The following CHODL variants were observed in gnomAD, a reference collection of about 807,000 sequenced individuals.
CHODL encodes transmembrane protein MT75.
In CHODL, 29 loss-of-function variants were observed where a neutral mutation model predicts 34.5. The ratio of observed to expected loss-of-function variants is 0.84; its 90% CI spans 0.63 to 1.15. The LOEUF (loss-of-function observed/expected upper bound fraction) is 1.15. Among genes scored for constraint, CHODL ranks in the 50% most tolerant of loss-of-function variants. The pLI is 0.00. For missense variants in CHODL, 332 were observed against 332.5 expected (o/e 1.00, Z 0.01); for synonymous variants, 125 against 116.1 (o/e 1.08, Z -0.49).
At chr21:18,234,766 G>A (rs1453929804) in intron 2 of CHODL, among the ~76,000 whole-genome samples, 1 of 152,078 alleles carries the variant, frequency 6.6e-6, no homozygotes, top group Non-Finnish European at 1.5e-5. Context: ...AAATAAAATA[G>A]ACATCTTTGG....
At chr21:18,035,258 G>T (rs766984770) in intron 2 of CHODL, among the ~76,000 whole-genome samples, 2 of 151,960 alleles carry the variant, frequency 1.3e-5, no homozygotes, top group Non-Finnish European at 2.9e-5. Flanking sequence ...TAGAACACCA[G>T]GTTGTGAGTT....
At chr21:17,947,034 A>G (rs1419827089) in intron 1 of CHODL, among the ~76,000 whole-genome samples, 1 of 152,048 alleles carries the variant, frequency 6.6e-6, no homozygotes. Context: ...GATTTTTGCT[A>G]TGTTGTAATT....
At chr21:17,957,662 G>C (rs1259814587) in intron 1 of CHODL, among the ~76,000 whole-genome samples, 1 of 151,608 alleles carries the variant, frequency 6.6e-6, no homozygotes, top group East Asian at 1.9e-4. Context: ...AAGGATCCAA[G>C]ATATTAAAAG....
intron 2 of CHODL, among the ~76,000 whole-genome samples, chr21:18,143,312 T>C (rs982215828): frequency 2.0e-5 from 3 of 152,186 alleles, no homozygotes; most frequent in South Asian, 4.1e-4. Flanking sequence ...TCGATTGATT[T>C]GACTTTTCTT....
At chr21:18,015,787 G>A (rs188702599) in intron 1 of CHODL, among the ~76,000 whole-genome samples, 1 of 152,334 alleles carries the variant, frequency 6.6e-6, no homozygotes, top group Admixed American at 6.5e-5. Context: ...TTAGCAAGGA[G>A]ACTGGCAGCA....
chr21:18,147,382 G>C (rs1267213621), intron 2 of CHODL, among the ~76,000 whole-genome samples: 1 of 152,170 alleles, frequency 6.6e-6, no homozygotes, highest in Admixed American at 6.5e-5. Flanking sequence ...GCTGCTTCCT[G>C]TTCTTTGGTT....
At chr21:18,161,831 G>T (rs2073099070) in intron 2 of CHODL, among the ~76,000 whole-genome samples, 1 of 152,116 alleles carries the variant, frequency 6.6e-6, no homozygotes, top group Non-Finnish European at 1.5e-5. Context: ...CTCTCTCTGG[G>T]CTGAAAGCTC....
intron 2 of CHODL, among the ~76,000 whole-genome samples, chr21:18,093,994 A>C (rs562188562): frequency 6.6e-6 from 1 of 152,314 alleles, no homozygotes; most frequent in East Asian, 1.9e-4. Context: ...TCACCTATAA[A>C]GATACACATA....
intron 1 of CHODL, among the ~76,000 whole-genome samples, chr21:17,940,584 TGCTAATA>T (rs1228767451): frequency 1.3e-5 from 2 of 152,234 alleles, no homozygotes. Flanking sequence ...CCTGGGATTC[TGCTAATA>T]GCTTTTCTTG....
At chr21:18,140,900 A>AT (rs60391388) in intron 2 of CHODL, among the ~76,000 whole-genome samples, 11,875 of 152,010 alleles carry the variant, frequency 0.078, 1,455 homozygotes, top group African/African-American at 0.26. Flanking sequence ...AAAGACGTGT[A>AT]TTGTTTTTTT....
chr21:18,010,440 CTT>C (rs1016309921), intron 1 of CHODL, among the ~76,000 whole-genome samples: 1 of 151,862 alleles, frequency 6.6e-6, no homozygotes, highest in African/African-American at 2.4e-5. Flanking sequence ...AGCCAGAACT[CTT>C]GACAAATTAT....
At position 18,107,782 on chromosome 21, in the gene CHODL, T is replaced by C. The variant is rs78227879; in HGVS notation, c.-45+79811T>C. ...GCTTCCTGAGCATGTAATAATGTGG[T>C]GGTGAAGTTAAAGAAATTAAAGGAA... On this transcript the variant is annotated intron_variant, in intron 2 of 6. Transcript: ENST00000400127. 2.1e-3 allele frequency among the ~76,000 whole-genome samples: 313 copies of C among 152,246 alleles called. 1 individual carries two copies. Among genetic ancestry groups the C allele is most frequent in the African/African-American group, 6.7e-3 (277 of 41,540 alleles).
intron 2 of CHODL, among the ~76,000 whole-genome samples, chr21:18,077,086 A>T (rs1461051693): frequency 6.6e-6 from 1 of 152,196 alleles, no homozygotes; most frequent in East Asian, 1.9e-4. Flanking sequence ...GGAAGGCAGG[A>T]TTCCCACCTC....
intron 1 of CHODL, among the ~76,000 whole-genome samples, chr21:17,980,814 C>T (rs181412113): frequency 5.9e-5 from 9 of 152,280 alleles, no homozygotes; most frequent in African/African-American, 1.9e-4. Flanking sequence ...GTGCACATGC[C>T]TGTGTTGGGA....
At chr21:17,950,537 T>TACAC (rs1568813369) in intron 1 of CHODL, among the ~76,000 whole-genome samples, 1,800 of 43,948 alleles carry the variant, frequency 0.041, 25 homozygotes, top group African/African-American at 0.098. Flanking sequence ...CACACACACT[T>TACAC]CTTTAAAGCC....
At chr21:17,991,958 T>C (rs1346844023) in intron 1 of CHODL, among the ~76,000 whole-genome samples, 1 of 152,180 alleles carries the variant, frequency 6.6e-6, no homozygotes, top group African/African-American at 2.4e-5. Flanking sequence ...TAGTTTCAGA[T>C]CTTACATTTA....
chr21:18,111,709 ATTAC>A (rs1432650203), intron 2 of CHODL, among the ~76,000 whole-genome samples: 18 of 152,166 alleles, frequency 1.2e-4, no homozygotes, highest in African/African-American at 3.1e-4. Context: ...TTCTTTATCA[ATTAC>A]TTACTTATAC....
At chr21:18,033,649 A>G (rs974849518) in intron 2 of CHODL, among the ~76,000 whole-genome samples, 12 of 151,948 alleles carry the variant, frequency 7.9e-5, no homozygotes, top group Admixed American at 3.9e-4. Context: ...GTAACAGCCC[A>G]TTGGCCTTTT....
chr21:18,019,819 G>GGT (rs2064111082), intron 1 of CHODL, among the ~76,000 whole-genome samples: 2 of 152,126 alleles, frequency 1.3e-5, no homozygotes, highest in South Asian at 4.1e-4. Flanking sequence ...ATATCACACT[G>GGT]AGGAATCAGC....
Sources: allele counts gnomAD v4.1 joint callset (sites outside exome capture counted in the v4.1 genomes callset), GRCh38; gene constraint gnomAD v4.1.1; transcripts MANE v1.5; gene names NCBI Gene and HGNC (gene_info 2026-07-23, HGNC 2026-07-21).